SNTB2: variants seen among roughly 807,000 people sequenced by gnomAD.
SNTB2 encodes beta-2-syntrophin.
SNTB2 carries 34 observed loss-of-function variants against 46.2 expected under a neutral mutation model. The ratio of observed to expected loss-of-function variants is 0.74; its 90% confidence interval spans 0.56 to 0.98. SNTB2 has a LOEUF of 0.98. Among genes scored for constraint, SNTB2 ranks in the 50% least tolerant of loss-of-function variants. The probability of loss-of-function intolerance (pLI) is 0.00; values close to 1 mark genes in which losing one functional copy is unlikely to be tolerated. For synonymous variants in SNTB2, 290 were observed against 312.6 expected, an observed-to-expected ratio of 0.93 and a Z score of 0.76; for missense variants, 603 against 731.4, an observed-to-expected ratio of 0.82 and a Z score of 2.02.
At position 69,292,676 on chromosome 16, in the gene SNTB2, C is replaced by T. The variant is rs371794193; in HGVS notation, c.1346-6914C>T. On this transcript the variant is annotated intron_variant, in intron 5 of 6. Coordinates refer to ENST00000336278, the MANE Select transcript of SNTB2 (RefSeq NM_006750.4). ...CCCTGTTGGCCAGGCTGGTCTTGAA[C>T]GCCTGACCTCAGGTGATCCACCCAC... Among the ~76,000 whole-genome samples the T allele has an allele frequency of 4.8e-4, 71 of 147,358 alleles. 3 individuals are homozygous for T. In the South Asian group the frequency reaches 0.014, roughly 29 times the overall value.
chr16:69,204,561 G>A (rs1964195774), intron 1 of SNTB2, among the ~76,000 whole-genome samples: 1 of 152,166 alleles, frequency 6.6e-6, no homozygotes, highest in Non-Finnish European at 1.5e-5. Flanking sequence ...AAGGACAGAT[G>A]ATTCATTAAT....
At chr16:69,245,891 T>A (rs1964666307) in intron 2 of SNTB2, 76 bp downstream of exon 2, 3 of 1,425,876 alleles carry the variant, frequency 2.1e-6, no homozygotes, top group Non-Finnish European at 3.0e-6. Flanking sequence ...TATATGACTC[T>A]GTTAACTCAG....
intron 5 of SNTB2, among the ~76,000 whole-genome samples, chr16:69,286,114 G>A (rs147224727): frequency 1.6e-3 from 238 of 151,528 alleles, no homozygotes; most frequent in Middle Eastern, 0.011. Flanking sequence ...CCTGGTCTTC[G>A]GTTTATTTAT....
chr16:69,206,547 C>T (rs1048590582), intron 1 of SNTB2, among the ~76,000 whole-genome samples: 8 of 151,342 alleles, frequency 5.3e-5, no homozygotes, highest in Admixed American at 2.0e-4. Context: ...CAAAATTAGC[C>T]GGGCGTGGTG....
intron 3 of SNTB2, among the ~76,000 whole-genome samples, chr16:69,265,447 G>A (rs1456042159): frequency 6.6e-6 from 1 of 152,124 alleles, no homozygotes; most frequent in Non-Finnish European, 1.5e-5. Context: ...TACATTGCCT[G>A]TGAAAAAGGG....
intron 1 of SNTB2, among the ~76,000 whole-genome samples, chr16:69,222,945 C>A (rs1299283414): frequency 6.6e-6 from 1 of 151,440 alleles, no homozygotes; most frequent in Non-Finnish European, 1.5e-5. Flanking sequence ...CCATGCCCAG[C>A]TAATTTTTTT....
chr16:69,245,856 C>T (rs1000733860), intron 2 of SNTB2, 41 bp downstream of exon 2: 4 of 1,582,748 alleles, frequency 2.5e-6, no homozygotes, highest in African/African-American at 1.3e-5. Context: ...TACAGCTTTA[C>T]AAACTTAAGG....
At chr16:69,233,594 G>C (rs1349158256) in intron 1 of SNTB2, among the ~76,000 whole-genome samples, 1 of 152,094 alleles carries the variant, frequency 6.6e-6, no homozygotes, top group Non-Finnish European at 1.5e-5. Context: ...GGAGGAATTT[G>C]GCAGTACTTA....
At chr16:69,266,771 C>T (rs532846492) in intron 3 of SNTB2, among the ~76,000 whole-genome samples, 26 of 152,226 alleles carry the variant, frequency 1.7e-4, no homozygotes, top group Non-Finnish European at 3.5e-4. Flanking sequence ...GGCTGGAGTA[C>T]AGTAGTACAA....
At chr16:69,238,616 T>G (rs1360363848) in intron 1 of SNTB2, among the ~76,000 whole-genome samples, 2 of 152,202 alleles carry the variant, frequency 1.3e-5, no homozygotes, top group African/African-American at 2.4e-5. Flanking sequence ...TAGACTTGAT[T>G]GTCTAATGTA....
chr16:69,203,306 C>A (rs927783875), intron 1 of SNTB2, among the ~76,000 whole-genome samples: 2 of 151,926 alleles, frequency 1.3e-5, no homozygotes, highest in Non-Finnish European at 2.9e-5. Context: ...GCGTGAGCCA[C>A]TGCGCCCAGC....
chr16:69,308,615 ACT>A lies in SNTB2; in HGVS notation c.*7694_*7695del, dbSNP rs1311667757. The A allele has an allele frequency of 6.6e-6, 1 of 151,958 alleles. No homozygotes were observed. Among genetic ancestry groups the A allele is most frequent in the Non-Finnish European group, 1.5e-5 (1 of 67,976 alleles). 9.4% of individuals were successfully genotyped at this position (151,958 alleles called of 1,614,324 possible). ...GGCCTGTTTTGGCTAATCTGTGCAA[ACT>A]CTGATGATACCTGCTTATGTGGATT... On this transcript the variant is annotated 3_prime_UTR_variant, in exon 7 of 7. Coordinates refer to ENST00000336278, the MANE Select transcript of SNTB2 (RefSeq NM_006750.4).
At chr16:69,200,185 A>T (rs1964148341) in intron 1 of SNTB2, among the ~76,000 whole-genome samples, 1 of 152,092 alleles carries the variant, frequency 6.6e-6, no homozygotes, top group Non-Finnish European at 1.5e-5. Flanking sequence ...AAGGAGGGGG[A>T]CATTTTTAAC....
chr16:69,251,443 T>C (rs1350759054), intron 2 of SNTB2, among the ~76,000 whole-genome samples: 2 of 144,984 alleles, frequency 1.4e-5, no homozygotes, highest in African/African-American at 2.6e-5. Flanking sequence ...AGGAGTGGAA[T>C]TGCTGGATAG....
chr16:69,283,444 A>T (rs561514544), intron 4 of SNTB2, among the ~76,000 whole-genome samples: 1 of 152,196 alleles, frequency 6.6e-6, no homozygotes, highest in South Asian at 2.1e-4. Flanking sequence ...CTTTATGTTC[A>T]CTGTGCTTCT....
intron 2 of SNTB2, among the ~76,000 whole-genome samples, chr16:69,259,770 C>T (rs548841165): frequency 2.6e-5 from 4 of 151,382 alleles, no homozygotes; most frequent in East Asian, 2.0e-4. Context: ...CCACCATGTC[C>T]GGCTAATTTT....
chr16:69,295,273 T>TTGC (rs1965212957), intron 5 of SNTB2, among the ~76,000 whole-genome samples: 1 of 139,288 alleles, frequency 7.2e-6, no homozygotes, highest in Non-Finnish European at 1.5e-5. Context: ...AGACAAAGTA[T>TTGC]TGCTCTGTCT....
Position 69,245,741 on chromosome 16 carries a change from C to T in SNTB2, c.720C>T (p.Thr240=). Residue 240 remains threonine, a synonymous_variant, in exon 2 of 7, where the codon ACC becomes ACT. Transcript: ENST00000336278. ...GTTCGCCAAAACACCAGAACAGCACCAAGGACAGGAAGATCATCCCTCTCA... is the reference window on the plus strand; with the variant it reads ...GTTCGCCAAAACACCAGAACAGCACTAAGGACAGGAAGATCATCCCTCTCA... The part of the protein sequence containing the change: ...DSGSPKHQNS[T]KDRKIIPLKM... 1 of 1,614,106 alleles carries T rather than the reference C, an allele frequency of 6.2e-7. No homozygotes were observed. Among genetic ancestry groups the T allele is most frequent in the Non-Finnish European group, 8.5e-7 (1 of 1,180,032 alleles).
At chr16:69,243,655 T>G (rs1008602585) in intron 1 of SNTB2, among the ~76,000 whole-genome samples, 5 of 152,192 alleles carry the variant, frequency 3.3e-5, no homozygotes, top group Non-Finnish European at 5.9e-5. Context: ...TTGCAGTAAC[T>G]GGAAACCTTA....
Sources: allele counts gnomAD v4.1 joint callset (sites outside exome capture counted in the v4.1 genomes callset), GRCh38; gene constraint gnomAD v4.1.1; transcripts MANE v1.5; gene names NCBI Gene and HGNC (gene_info 2026-07-23, HGNC 2026-07-21).